UGGT1: variants seen among roughly 807,000 people sequenced by gnomAD.
UGGT1 encodes the protein UDP-glucose glycoprotein glucosyltransferase 1.
A neutral mutation model predicts 203.9 loss-of-function variants in UGGT1; 107 were observed. That is an observed-to-expected ratio of 0.52 (90% CI 0.45 to 0.62). The LOEUF (loss-of-function observed/expected upper bound fraction) is 0.62, where lower values mean the gene tolerates loss of function less well. UGGT1 is among the 20% of genes least tolerant of loss of function. UGGT1 has a pLI of 0.00. For missense variants in UGGT1, 1,673 were observed against 1,867.2 expected (o/e 0.90, Z 1.92); for synonymous variants, 628 against 653.5 (o/e 0.96, Z 0.59).
intron 6 of UGGT1, among the ~76,000 whole-genome samples, chr2:128,113,593 T>C (rs1190652157): frequency 1.3e-5 from 2 of 152,178 alleles, no homozygotes; most frequent in Non-Finnish European, 2.9e-5. Flanking sequence ...TTTTTTCTTC[T>C]GTTTTCTCTT....
In UGGT1 at chr2:128,116,769, C is replaced by G. The variant is rs147563164; in HGVS notation, c.872+426C>G. Among the ~76,000 whole-genome samples, 748 of 152,190 alleles carry G rather than the reference C, an allele frequency of 4.9e-3. 8 individuals are homozygous for G. The highest frequency in any genetic ancestry group is 0.017 in the African/African-American group (708 of 41,528). On this transcript the variant is annotated intron_variant, in intron 8 of 40. Coordinates refer to ENST00000259253, the MANE Select transcript of UGGT1 (RefSeq NM_020120.4). Reference sequence around the variant, plus strand: ...CAAACTCCTGGCCTCAAGTGATCCACTCGCCTCAGCCTCCCAAAGTGCTGG... The same window carrying G: ...CAAACTCCTGGCCTCAAGTGATCCAGTCGCCTCAGCCTCCCAAAGTGCTGG...
chr2:128,111,598 C>G (rs984276541), intron 5 of UGGT1, among the ~76,000 whole-genome samples: 16 of 151,918 alleles, frequency 1.1e-4, no homozygotes, highest in Admixed American at 2.6e-4. Flanking sequence ...CTCCGCCTCC[C>G]AGGTTCATGC....
intron 18 of UGGT1, among the ~76,000 whole-genome samples, chr2:128,152,569 GCC>G (rs1690024003): frequency 6.6e-6 from 1 of 152,152 alleles, no homozygotes; most frequent in Non-Finnish European, 1.5e-5. Flanking sequence ...AACAATATCT[GCC>G]TCACGTTGTT....
rs1689643074 is a variant in UGGT1 at position 128,145,522 on chromosome 2, AC to A, written c.1852-280del. 5 of 87,578 alleles carry A rather than the reference AC, an allele frequency of 5.7e-5. No homozygotes were observed. The Admixed American group carries it at 6.9e-4, about 12-fold the overall frequency. 5.4% of individuals were successfully genotyped at this position (87,578 alleles called of 1,614,324 possible). A position where few individuals can be genotyped will look rare whatever the true frequency, so the allele number is the denominator to read the frequency against. ...CACAAACACACACACACACACACAC[AC>A]ATACACAAACACACGTACACACACA... is the stretch of plus-strand genomic sequence containing the variant. On this transcript the variant is annotated intron_variant, in intron 17 of 40. Coordinates refer to ENST00000259253, the MANE Select transcript of UGGT1 (RefSeq NM_020120.4).
At chr2:128,120,933 T>C (rs1429012525) in intron 9 of UGGT1, among the ~76,000 whole-genome samples, 1 of 152,106 alleles carries the variant, frequency 6.6e-6, no homozygotes, top group Non-Finnish European at 1.5e-5. Flanking sequence ...TTGGGCCTGA[T>C]TTAGCCTGTG....
At chr2:128,146,054 G>C in intron 18 of UGGT1, 87 bp downstream of exon 18, 1 of 1,520,252 alleles carries the variant, frequency 6.6e-7, no homozygotes, top group Non-Finnish European at 9.0e-7. Flanking sequence ...AAAATTCTTA[G>C]TATCACTATT....
At chr2:128,096,036 T>C (rs1443088303) in intron 1 of UGGT1, among the ~76,000 whole-genome samples, 3 of 152,184 alleles carry the variant, frequency 2.0e-5, no homozygotes, top group East Asian at 1.9e-4. Context: ...ATTAGGGTTC[T>C]GTTAGGTGGA....
At chr2:128,174,938 G>C (rs931574050) in intron 31 of UGGT1, 80 bp downstream of exon 31, 1 of 1,205,900 alleles carries the variant, frequency 8.3e-7, no homozygotes, top group African/African-American at 1.5e-5. Context: ...TACCCTGGCA[G>C]TTAGCCAGGC....
In UGGT1 at chr2:128,117,684, C is replaced by T. The variant is rs74557375; in HGVS notation, c.872+1341C>T. ...TTAGCCTCCCAAGTAGTTGGAACTA[C>T]AGGCATCCGCCACCACACCCGGCTA... On this transcript the variant is annotated intron_variant, in intron 8 of 40. Transcript: ENST00000259253. Among the ~76,000 whole-genome samples the T allele has an allele frequency of 4.0e-3, 608 of 151,886 alleles. 6 individuals are homozygous for T. The highest frequency in any genetic ancestry group is 0.013 in the African/African-American group (546 of 41,444).
Position 128,159,570 on chromosome 2 carries a change from C to A in UGGT1, c.2412C>A (p.Ser804Arg), listed in dbSNP as rs1399179723. ...SMINNPAKEI[S>R]YENTQISRAI... The stretch of plus-strand genomic sequence containing the variant: ...TCAATAATCCTGCCAAAGAGATAAG[C>A]TATGAGAACACTCAGATCTCCAGAG... Residue 804 changes from serine to arginine, a missense_variant, in exon 23 of 41, where the codon AGC (serine) becomes AGA (arginine). Ser to Arg is a moderately radical substitution (Grantham distance 110). Transcript: ENST00000259253. 1.2e-6 allele frequency: 2 copies of A among 1,614,040 alleles called. No individual in the cohort carries two copies. The highest frequency in any genetic ancestry group is 2.7e-5 in the African/African-American group (2 of 74,906).
chr2:128,098,568 C>T (rs1486747267), intron 2 of UGGT1, among the ~76,000 whole-genome samples: 1 of 152,100 alleles, frequency 6.6e-6, no homozygotes, highest in African/African-American at 2.4e-5. Context: ...CCAGCCTGGG[C>T]AACATGGGGA....
chr2:128,093,138 A>G (rs1039513521), intron 1 of UGGT1, among the ~76,000 whole-genome samples: 5 of 152,092 alleles, frequency 3.3e-5, no homozygotes, highest in African/African-American at 1.2e-4. Flanking sequence ...TTTTTAATGT[A>G]TAGCTTTCCT....
intron 13 of UGGT1, among the ~76,000 whole-genome samples, chr2:128,129,997 G>A (rs1378316838): frequency 6.6e-6 from 1 of 151,516 alleles, no homozygotes; most frequent in Non-Finnish European, 1.5e-5. Flanking sequence ...TTGGTGGCTC[G>A]TGCCTGTAAT....
chr2:128,127,570 C>A, intron 12 of UGGT1, 118 bp downstream of exon 12: 1 of 743,926 alleles, frequency 1.3e-6, no homozygotes, highest in Non-Finnish European at 2.3e-6. Context: ...GGCTTACCAG[C>A]CCCCACTGGG....
chr2:128,121,153 T>A, intron 9 of UGGT1, 46 bp from the exon 10 acceptor site: 1 of 1,574,524 alleles, frequency 6.4e-7, no homozygotes. Context: ...CTGCTTCTCA[T>A]TGCATTAGAT....
chr2:128,147,142 A>G (rs747601476), intron 18 of UGGT1, among the ~76,000 whole-genome samples: 19 of 152,122 alleles, frequency 1.2e-4, no homozygotes, highest in Non-Finnish European at 2.5e-4. Context: ...CCCTCCTCTC[A>G]TTCTGGAAAT....
chr2:128,157,189 A>C, intron 21 of UGGT1, 63 bp from the exon 22 acceptor site: 1 of 1,136,490 alleles, frequency 8.8e-7, no homozygotes, highest in Non-Finnish European at 1.3e-6. Context: ...CATTTTCAGA[A>C]TGTTGAAACA....
chr2:128,091,592 G>A, intron 1 of UGGT1, 177 bp downstream of exon 1: 9 of 1,437,962 alleles, frequency 6.3e-6, no homozygotes, highest in Non-Finnish European at 8.2e-6. Context: ...GGTCTTCTTG[G>A]CAAGGTATCG....
rs118172327 is a variant in UGGT1 at position 128,186,152 on chromosome 2, G to T, written c.4360-531G>T. Among the ~76,000 whole-genome samples, 28 of 152,286 alleles carry T rather than the reference G, an allele frequency of 1.8e-4. No homozygotes were observed. The East Asian group carries it at 4.8e-3, about 26-fold the overall frequency. On this transcript the variant is annotated intron_variant, in intron 38 of 40. Coordinates refer to ENST00000259253, the MANE Select transcript of UGGT1 (RefSeq NM_020120.4). Reference sequence around the variant, plus strand: ...GTAAGTTTTAAGCCAAAGCTTTTCAGTTGCTTATTATGGGCAGATGTTTTA... The same window carrying T: ...GTAAGTTTTAAGCCAAAGCTTTTCATTTGCTTATTATGGGCAGATGTTTTA...
Sources: allele counts gnomAD v4.1 joint callset (sites outside exome capture counted in the v4.1 genomes callset), GRCh38; gene constraint gnomAD v4.1.1; transcripts MANE v1.5; gene names NCBI Gene and HGNC (gene_info 2026-07-23, HGNC 2026-07-21).